Variants in DOCK8 observed in about 807,000 individuals in gnomAD.
The protein encoded by DOCK8 is dedicator of cytokinesis 8.
Under a neutral mutation model 245.6 loss-of-function variants are expected in DOCK8, and 141 were observed. That is an observed-to-expected ratio of 0.57 (90% CI 0.50 to 0.66). The LOEUF (loss-of-function observed/expected upper bound fraction) is 0.66. Ranked by LOEUF, DOCK8 falls within the 30% of genes least tolerant of loss-of-function variation. The pLI is 0.00. For missense variants in DOCK8, 2,965 were observed against 2,603.4 expected (o/e 1.14, Z -3.02); for synonymous variants, 1,168 against 970.2 (o/e 1.20, Z -3.79).
chr9:346,218 C>G (rs1327079852), intron 14 of DOCK8, among the ~76,000 whole-genome samples: 3 of 152,162 alleles, frequency 2.0e-5, no homozygotes, highest in African/African-American at 2.4e-5. Context: ...GTTCCTTGCT[C>G]TGTGTCCAGA....
At position 427,001 on chromosome 9, in the gene DOCK8, A is replaced by C; in HGVS notation, c.4338+20A>C. The C allele has an allele frequency of 6.3e-7, 1 of 1,595,986 alleles. No homozygotes were observed. Among genetic ancestry groups the C allele is most frequent in the Non-Finnish European group, 8.6e-7 (1 of 1,163,994 alleles). On this transcript the variant is annotated intron_variant, in intron 34 of 47. Coordinates refer to ENST00000432829, the MANE Select transcript of DOCK8 (RefSeq NM_203447.4). ...ATCCAGGTGAGGAAAACAAACACCC[A>C]ATCTGATTTGTTGGCCATGAATATG... is the stretch of plus-strand genomic sequence containing the variant.
At chr9:388,095 C>CA (rs1184647691) in intron 23 of DOCK8, among the ~76,000 whole-genome samples, 2 of 152,170 alleles carry the variant, frequency 1.3e-5, no homozygotes, top group Non-Finnish European at 2.9e-5. Flanking sequence ...CTCTTCTTGC[C>CA]ATAAGACCCT....
chr9:395,715 A>G (rs942396487), intron 24 of DOCK8, among the ~76,000 whole-genome samples: 1 of 152,180 alleles, frequency 6.6e-6, no homozygotes, highest in Non-Finnish European at 1.5e-5. Context: ...AGATGGTGAC[A>G]AGGGGGCCCA....
intron 24 of DOCK8, among the ~76,000 whole-genome samples, chr9:393,077 C>A (rs2054274911): frequency 1.8e-5 from 2 of 112,824 alleles, no homozygotes; most frequent in Admixed American, 2.0e-4. Flanking sequence ...CAGATTGAGA[C>A]CCTGTCTCAA....
At chr9:228,313 A>C (rs2047031925) in intron 1 of DOCK8, among the ~76,000 whole-genome samples, 1 of 152,208 alleles carries the variant, frequency 6.6e-6, no homozygotes, top group South Asian at 2.1e-4. Context: ...GCTGTCTAAT[A>C]TGCAACAAAT....
intron 30 of DOCK8, among the ~76,000 whole-genome samples, chr9:419,385 C>G (rs191596205): frequency 1.8e-3 from 281 of 152,262 alleles, no homozygotes; most frequent in Non-Finnish European, 1.5e-3. Flanking sequence ...ACCTCCTCCA[C>G]CTTTCTAATA....
At chr9:336,513 T>G (rs2051319126) in intron 11 of DOCK8, 69 bp from the exon 12 acceptor site, 2 of 1,599,348 alleles carry the variant, frequency 1.3e-6, no homozygotes, top group Non-Finnish European at 1.7e-6. Flanking sequence ...ATACATATTG[T>G]GAAGTTAATA....
Position 382,963 on chromosome 9 carries a change from C to G in DOCK8, c.2778+278C>G, listed in dbSNP as rs117877376. On this transcript the variant is annotated intron_variant, in intron 22 of 47. Coordinates refer to ENST00000432829, the MANE Select transcript of DOCK8 (RefSeq NM_203447.4). Reference sequence around the variant, plus strand: ...GGTTTAGCCACATGGAGTCATGTGGCTAAACCATGCATTTTATTTTCAAGG... The same window carrying G: ...GGTTTAGCCACATGGAGTCATGTGGGTAAACCATGCATTTTATTTTCAAGG... Among the ~76,000 whole-genome samples the G allele has an allele frequency of 4.1e-4, 62 of 152,162 alleles. No homozygotes were observed. The East Asian group carries it at 9.1e-3, about 22-fold the overall frequency.
intron 7 of DOCK8, among the ~76,000 whole-genome samples, chr9:318,588 G>A (rs77913430): frequency 0.12 from 18,414 of 152,200 alleles, 1,426 homozygotes; most frequent in Admixed American, 0.17. Flanking sequence ...GTCTCCTCCC[G>A]CTGGCCAGTT....
chr9:410,444 C>A (rs138821144), intron 28 of DOCK8, among the ~76,000 whole-genome samples: 10 of 152,046 alleles, frequency 6.6e-5, no homozygotes, highest in African/African-American at 2.4e-4. Flanking sequence ...AATTTCTCTT[C>A]TGTAAATTGA....
In DOCK8 at chr9:463,562, C is replaced by A; in HGVS notation, c.6114C>A (p.Asp2038Glu). The change falls in exon 47 of 48, where the codon GAC (aspartate) becomes GAA (glutamate). Residue 2038 changes from aspartate to glutamate, a missense_variant. By Grantham distance (45) the Asp-to-Glu change is conservative. This residue lies in a region of DOCK8 where 134 missense variants were observed against 128.1 expected (regional missense o/e 1.05). Transcript: ENST00000432829. ...AAAACAAGCGTCTCATCACGGCAGA[C>A]CAGAGGGAATATCAGCAGGAACTCA... ...VEKNKRLITA[D>E]QREYQQELKK... is the part of the protein sequence containing the mutation. The A allele has an allele frequency of 1.2e-5, 19 of 1,614,104 alleles. No individual in the cohort carries two copies. Among genetic ancestry groups the A allele is most frequent in the Non-Finnish European group, 1.6e-5 (19 of 1,180,038 alleles).
intron 39 of DOCK8, among the ~76,000 whole-genome samples, chr9:438,095 A>T (rs1229725767): frequency 1.3e-5 from 2 of 152,220 alleles, no homozygotes; most frequent in African/African-American, 4.8e-5. Flanking sequence ...GCCTCCTCCT[A>T]TATTCCTAAA....
intron 35 of DOCK8, 44 bp downstream of exon 35, chr9:428,540 G>T: frequency 1.9e-6 from 3 of 1,611,360 alleles, no homozygotes; most frequent in South Asian, 1.1e-5. Flanking sequence ...TTAAGAGTAA[G>T]ATTCTCATCT....
intron 5 of DOCK8, among the ~76,000 whole-genome samples, chr9:309,383 A>T (rs2049996271): frequency 6.6e-6 from 1 of 152,212 alleles, no homozygotes; most frequent in Non-Finnish European, 1.5e-5. Context: ...GTCACAAAAA[A>T]TGTGTAGTAT....
chr9:253,909 A>G (rs189865773), intron 1 of DOCK8, among the ~76,000 whole-genome samples: 1 of 152,350 alleles, frequency 6.6e-6, no homozygotes, highest in East Asian at 1.9e-4. Flanking sequence ...CATTGAGAAA[A>G]GAGAGTGAGG....
chr9:250,789 C>G (rs1207049747), intron 1 of DOCK8, among the ~76,000 whole-genome samples: 2 of 152,196 alleles, frequency 1.3e-5, no homozygotes, highest in East Asian at 3.8e-4. Context: ...CGAAAGATCA[C>G]ATTAAAACAG....
At chr9:435,149 T>G (rs1246868528) in intron 39 of DOCK8, among the ~76,000 whole-genome samples, 174 bp downstream of exon 39, 1 of 152,220 alleles carries the variant, frequency 6.6e-6, no homozygotes, top group Non-Finnish European at 1.5e-5. Context: ...CTGTGAAACA[T>G]TCTGCAATAG....
chr9:400,737 CCACCAGCATCTT>C (rs1446466359), intron 26 of DOCK8, among the ~76,000 whole-genome samples: 75 of 77,164 alleles, frequency 9.7e-4, no homozygotes, highest in Non-Finnish European at 1.4e-3. Flanking sequence ...ACCTCCACCA[CCACCAGCATCTT>C]CACCATCACC....
In DOCK8 at chr9:215,000, G is replaced by A. The variant is rs780984101; in HGVS notation, c.24G>A (p.Glu8=). 2 of 1,596,240 alleles carry A rather than the reference G, an allele frequency of 1.3e-6. No homozygotes were observed. Among genetic ancestry groups the A allele is most frequent in the East Asian group, 2.3e-5 (1 of 43,814 alleles). Residue 8 remains glutamate (E), a synonymous_variant, in exon 1 of 48, where the codon GAG becomes GAA. Transcript: ENST00000432829. ...CCATGGCCACTCTGCCGAGCGCAGA[G>A]CGCCGCGCGTTCGCGCTCAAGATCA... MATLPSA[E]RRAFALKINR...
Sources: gnomAD v4.1 joint callset for allele counts (sites outside exome capture counted in the v4.1 genomes callset) on GRCh38, gnomAD v4.1.1 for gene constraint, gnomAD v4.1.1 regional missense constraint, MANE v1.5 for transcripts, NCBI Gene and HGNC (gene_info 2026-07-23, HGNC 2026-07-21) for gene names.